Variants in BCAS4 observed in about 807,000 individuals in gnomAD.
The protein encoded by BCAS4 is breast carcinoma amplified sequence 4, also known as breast carcinoma-amplified sequence 4.
BCAS4 carries 9 observed loss-of-function variants against 15.7 expected under a neutral mutation model. The observed-to-expected ratio is 0.57, with a 90% CI of 0.34 to 1.00. The LOEUF (loss-of-function observed/expected upper bound fraction) is 1.00. Among genes scored for constraint, BCAS4 ranks in the 50% least tolerant of loss-of-function variants. The pLI, the probability that BCAS4 is intolerant of heterozygous loss-of-function variation, is 0.02. For synonymous variants in BCAS4, 101 were observed against 99.5 expected (o/e 1.02, Z -0.09); for missense variants, 225 against 239.1 (o/e 0.94, Z 0.39).
intron 4 of BCAS4, among the ~76,000 whole-genome samples, chr20:50,864,689 C>T (rs1349329289): frequency 3.9e-5 from 6 of 151,944 alleles, no homozygotes; most frequent in Non-Finnish European, 7.4e-5. Context: ...GTGATCTGCC[C>T]GCCTCGGCCT....
chr20:50,808,302 G>T (rs1371126190), intron 1 of BCAS4, among the ~76,000 whole-genome samples: 2 of 152,224 alleles, frequency 1.3e-5, no homozygotes, highest in Non-Finnish European at 2.9e-5. Context: ...CAGTAAACAT[G>T]CATGTGCAAG....
At chr20:50,812,990 A>AT (rs1163908597) in intron 1 of BCAS4, among the ~76,000 whole-genome samples, 362 of 148,914 alleles carry the variant, frequency 2.4e-3, no homozygotes, top group Non-Finnish European at 2.0e-3. Context: ...TAATTTTTGT[A>AT]TTTTTTTTTG....
At chr20:50,866,227 G>A (rs201596349) in intron 4 of BCAS4, among the ~76,000 whole-genome samples, 2 of 152,222 alleles carry the variant, frequency 1.3e-5, no homozygotes, top group Non-Finnish European at 1.5e-5. Flanking sequence ...GCCACCGGCC[G>A]TGGTGGGGGC....
At chr20:50,828,892 T>A (rs932760968) in intron 2 of BCAS4, among the ~76,000 whole-genome samples, 6 of 152,160 alleles carry the variant, frequency 3.9e-5, no homozygotes, top group Admixed American at 1.3e-4. Flanking sequence ...AGAAGCCGCC[T>A]CCACACTCCA....
intron 1 of BCAS4, among the ~76,000 whole-genome samples, chr20:50,813,996 C>A (rs2088105478): frequency 6.6e-6 from 1 of 152,130 alleles, no homozygotes; most frequent in Non-Finnish European, 1.5e-5. Context: ...GTTAAAAAGG[C>A]ACGTGGGCTG....
intron 1 of BCAS4, among the ~76,000 whole-genome samples, chr20:50,806,766 G>GATAC (rs1226183181): frequency 6.6e-6 from 1 of 151,168 alleles, no homozygotes; most frequent in Non-Finnish European, 1.5e-5. Context: ...GAGATGTTTT[G>GATAC]ATACAGGCAT....
intron 4 of BCAS4, among the ~76,000 whole-genome samples, chr20:50,864,346 T>C (rs1236995748): frequency 6.6e-6 from 1 of 152,012 alleles, no homozygotes; most frequent in Non-Finnish European, 1.5e-5. Flanking sequence ...TAAAATGGGA[T>C]CACCATTCAT....
intron 2 of BCAS4, among the ~76,000 whole-genome samples, chr20:50,821,769 G>T (rs921268608): frequency 2.0e-5 from 3 of 152,154 alleles, no homozygotes; most frequent in Non-Finnish European, 4.4e-5. Context: ...CCAGCTTCCC[G>T]TCTGCTCTAT....
chr20:50,869,070 GA>G (rs1979500217), intron 4 of BCAS4, among the ~76,000 whole-genome samples: 1 of 152,244 alleles, frequency 6.6e-6, no homozygotes, highest in South Asian at 2.1e-4. Flanking sequence ...AGGACTCAGC[GA>G]AGCTGATGGC....
At position 50,841,813 on chromosome 20, in the gene BCAS4, C is replaced by A. The variant is rs368180767; in HGVS notation, c.312C>A (p.Asp104Glu). 3.1e-6 allele frequency: 5 copies of A among 1,613,898 alleles called. No individual in the cohort carries two copies. The South Asian group carries it at 4.4e-5, about 14-fold the overall frequency. ...ACCACGTCGCCTTCCTGGAAGCAGA[C>A]GTGCTTCAGGCTGAGCGGGACCATG... ...VGHHVAFLEA[D>E]VLQAERDHGA... The change falls in exon 4 of 5, where the codon GAC becomes GAA. Residue 104 changes from aspartate to glutamate, a missense_variant. By Grantham distance (45) the Asp-to-Glu change is conservative (BLOSUM62 2). Transcript: ENST00000371608.
rs139387225 is a variant in BCAS4, at chr20:50,847,259, G to A, written c.399+5359G>A. Among the ~76,000 whole-genome samples, 279 of 152,210 alleles carry A rather than the reference G, an allele frequency of 1.8e-3. 2 individuals are homozygous for A. Among genetic ancestry groups the A allele is most frequent in the African/African-American group, 6.4e-3 (266 of 41,536 alleles). Reference sequence around the variant, plus strand: ...GCACCACAATGCCTGGCTAATTTTTGTATTTTTAGTAGAGACGGAGTTTCG... The same window carrying A: ...GCACCACAATGCCTGGCTAATTTTTATATTTTTAGTAGAGACGGAGTTTCG... On this transcript the variant is annotated intron_variant, in intron 4 of 4. Transcript: ENST00000371608.
rs2088486204 is a variant in BCAS4, at chr20:50,841,863, G to A, written c.362G>A (p.Arg121Lys). 6.2e-7 allele frequency: 1 copy of A among 1,605,290 alleles called. No individual in the cohort carries two copies. The highest frequency in any genetic ancestry group is 8.5e-7 in the Non-Finnish European group (1 of 1,174,724). The part of the protein sequence containing the change: ...DHGAFPQALR[R>K]WLGSAGLPSF... The stretch of plus-strand genomic sequence containing the variant: ...GGGGCCTTCCCTCAGGCCCTGCGGA[G>A]GTGGCTGGGATCCGCAGGGCTCCCC... The change falls in exon 4 of 5, where the codon AGG becomes AAG. Residue 121 changes from arginine (R) to lysine (K), a missense_variant. Physicochemically the swap from Arg to Lys is conservative, Grantham distance 26. Coordinates refer to ENST00000371608, the MANE Select transcript of BCAS4 (RefSeq NM_198799.4).
intron 4 of BCAS4, among the ~76,000 whole-genome samples, chr20:50,846,437 G>A (rs2088544479): frequency 6.6e-6 from 1 of 151,904 alleles, no homozygotes; most frequent in African/African-American, 2.4e-5. Context: ...ACTACATAGG[G>A]AGACCACGTC....
chr20:50,822,837 G>C (rs1248757149), intron 2 of BCAS4, among the ~76,000 whole-genome samples: 1 of 151,288 alleles, frequency 6.6e-6, no homozygotes, highest in Non-Finnish European at 1.5e-5. Context: ...ATGTTGGCCA[G>C]GCTGGTCTCG....
chr20:50,797,574 A>G (rs779904362), intron 1 of BCAS4, among the ~76,000 whole-genome samples: 2 of 152,160 alleles, frequency 1.3e-5, no homozygotes, highest in Non-Finnish European at 2.9e-5. Flanking sequence ...TAACACGAAC[A>G]AAAATTTAAA....
intron 4 of BCAS4, among the ~76,000 whole-genome samples, chr20:50,849,170 CTGTT>C: frequency 6.6e-6 from 1 of 152,370 alleles, no homozygotes; most frequent in African/African-American, 2.4e-5. Flanking sequence ...TTGTAAACCA[CTGTT>C]TGTTTTCTGC....
intron 1 of BCAS4, among the ~76,000 whole-genome samples, chr20:50,816,451 A>G (rs2088138611): frequency 6.6e-6 from 1 of 152,196 alleles, no homozygotes; most frequent in African/African-American, 2.4e-5. Flanking sequence ...ATGTGTTCCA[A>G]TGTTTAAACA....
At chr20:50,859,254 A>C (rs1385935223) in intron 4 of BCAS4, among the ~76,000 whole-genome samples, 2 of 152,010 alleles carry the variant, frequency 1.3e-5, no homozygotes, top group Non-Finnish European at 2.9e-5. Context: ...GGTTTTGAAT[A>C]TTTTTGATTC....
chr20:50,840,445 A>G (rs187959366), intron 3 of BCAS4: 8 of 795,262 alleles, frequency 1.0e-5, no homozygotes, highest in Non-Finnish European at 1.5e-5. Context: ...CAGATGGGAG[A>G]GGCAGTCGCG....
Sources: allele counts gnomAD v4.1 joint callset (sites outside exome capture counted in the v4.1 genomes callset), GRCh38; gene constraint gnomAD v4.1.1; transcripts MANE v1.5; gene names NCBI Gene and HGNC (gene_info 2026-07-23, HGNC 2026-07-21).